Variants in ZNF385D observed in about 807,000 individuals in gnomAD.
ZNF385D encodes the protein zinc finger protein 659.
ZNF385D carries 15 observed loss-of-function variants against 35.8 expected under a neutral mutation model. The ratio of observed to expected loss-of-function variants is 0.42; its 90% CI spans 0.28 to 0.64. The LOEUF is 0.64. Ranked by LOEUF, ZNF385D falls within the 30% of genes least tolerant of loss-of-function variation. ZNF385D has a pLI of 0.23. For missense variants in ZNF385D, 474 were observed against 494.6 expected, an observed-to-expected ratio of 0.96 and a Z score of 0.39; for synonymous variants, 212 against 186.8, an observed-to-expected ratio of 1.13 and a Z score of -1.10.
chr3:22,118,595 CT>C (rs1025349863), intron 3 of ZNF385D, among the ~76,000 whole-genome samples: 3 of 151,902 alleles, frequency 2.0e-5, no homozygotes, highest in African/African-American at 4.8e-5. Context: ...AGCAATTCAA[CT>C]TTTTTTTCCC....
chr3:21,560,039 T>A (rs1198160653), intron 3 of ZNF385D, among the ~76,000 whole-genome samples: 1 of 152,200 alleles, frequency 6.6e-6, no homozygotes, highest in Non-Finnish European at 1.5e-5. Context: ...AAACTGGTTA[T>A]TCTAGTTAGC....
intron 1 of ZNF385D, among the ~76,000 whole-genome samples, chr3:21,679,738 A>G (rs892967067): frequency 2.0e-5 from 3 of 152,074 alleles, no homozygotes; most frequent in Non-Finnish European, 4.4e-5. Flanking sequence ...ACTAGCAGGG[A>G]GGGAAAATAG....
At chr3:22,089,108 T>C (rs1701190754) in intron 3 of ZNF385D, among the ~76,000 whole-genome samples, 1 of 152,108 alleles carries the variant, frequency 6.6e-6, no homozygotes, top group Admixed American at 6.5e-5. Context: ...CATCTAAGTG[T>C]GGCATGAGTA....
chr3:22,108,791 T>A (rs1399681344), intron 3 of ZNF385D, among the ~76,000 whole-genome samples: 1 of 152,104 alleles, frequency 6.6e-6, no homozygotes, highest in Non-Finnish European at 1.5e-5. Context: ...GATGGGTGGA[T>A]CACTTGAGGT....
chr3:22,230,894 T>G (rs1414773376), intron 2 of ZNF385D, among the ~76,000 whole-genome samples: 1 of 151,986 alleles, frequency 6.6e-6, no homozygotes, highest in Non-Finnish European at 1.5e-5. Context: ...GAGAAATAAC[T>G]CAGGAAAAAG....
At chr3:21,435,291 AC>A (rs1701493812) in intron 5 of ZNF385D, among the ~76,000 whole-genome samples, 1 of 126,688 alleles carries the variant, frequency 7.9e-6, no homozygotes, top group Admixed American at 1.0e-4. Flanking sequence ...ACAGGGTCTC[AC>A]TGTCAGCCAG....
At chr3:22,271,004 A>C (rs1701148864) in intron 2 of ZNF385D, among the ~76,000 whole-genome samples, 1 of 151,928 alleles carries the variant, frequency 6.6e-6, no homozygotes, top group Admixed American at 6.6e-5. Flanking sequence ...TTTTCTGAGC[A>C]ACATTTTTTT....
intron 3 of ZNF385D, among the ~76,000 whole-genome samples, chr3:21,803,287 A>T (rs1424842519): frequency 6.6e-6 from 1 of 152,166 alleles, no homozygotes; most frequent in African/African-American, 2.4e-5. Context: ...AAATGAGAAG[A>T]CAGCATTTGG....
Position 21,734,015 on chromosome 3 carries a change from G to A in ZNF385D, c.22+16880C>T, listed in dbSNP as rs146341070. Among the ~76,000 whole-genome samples, 173 of 151,948 alleles carry A rather than the reference G, an allele frequency of 1.1e-3. 3 individuals are homozygous for A. The highest frequency in any genetic ancestry group is 3.7e-3 in the African/African-American group (154 of 41,446). ...GGTATATTTTAGAATATGCTTCCCC[G>A]TCAGAACACTCTTTTTTCATAATTT... On this transcript the variant is annotated intron_variant, in intron 1 of 7. Transcript: ENST00000281523.
intron 3 of ZNF385D, among the ~76,000 whole-genome samples, chr3:21,996,507 A>C (rs2055268): frequency 0.65 from 99,498 of 151,910 alleles, 33,913 homozygotes; most frequent in African/African-American, 0.83. Flanking sequence ...GAAATAAATG[A>C]CGGGTGCCAT....
intron 1 of ZNF385D, among the ~76,000 whole-genome samples, chr3:21,706,634 T>C (rs893256174): frequency 6.6e-6 from 1 of 152,194 alleles, no homozygotes; most frequent in Admixed American, 6.5e-5. Flanking sequence ...GGATGGTTTA[T>C]TGCCATTATT....
At chr3:21,853,654 G>A (rs1015978953) in intron 3 of ZNF385D, among the ~76,000 whole-genome samples, 4 of 151,750 alleles carry the variant, frequency 2.6e-5, no homozygotes, top group African/African-American at 9.6e-5. Flanking sequence ...AGACTTGGAA[G>A]AATGAATTTT....
intron 3 of ZNF385D, among the ~76,000 whole-genome samples, chr3:21,974,997 G>T (rs1381702146): frequency 6.6e-6 from 1 of 152,124 alleles, no homozygotes; most frequent in Admixed American, 6.6e-5. Flanking sequence ...CCACTATAAA[G>T]AACAGTTTGG....
intron 3 of ZNF385D, among the ~76,000 whole-genome samples, chr3:22,050,565 T>C (rs978628618): frequency 2.0e-5 from 3 of 152,328 alleles, no homozygotes; most frequent in Non-Finnish European, 4.4e-5. Flanking sequence ...ATGATTCAAT[T>C]TTGGTAGATT....
At chr3:21,471,109 G>C (rs1192392180) in intron 4 of ZNF385D, among the ~76,000 whole-genome samples, 1 of 152,076 alleles carries the variant, frequency 6.6e-6, no homozygotes, top group East Asian at 1.9e-4. Flanking sequence ...AGCACAAATG[G>C]TTTGCCCAAG....
intron 4 of ZNF385D, among the ~76,000 whole-genome samples, chr3:21,460,511 C>A (rs1056350752): frequency 6.6e-6 from 1 of 151,866 alleles, no homozygotes. Flanking sequence ...ATAAATAAAG[C>A]AACCAATTTT....
intron 2 of ZNF385D, among the ~76,000 whole-genome samples, chr3:22,180,110 C>A (rs1347281996): frequency 6.6e-6 from 1 of 151,996 alleles, no homozygotes; most frequent in East Asian, 1.9e-4. Flanking sequence ...GGGATATAAC[C>A]ACCTATCCCA....
At chr3:21,517,515 G>A (rs73048376) in intron 3 of ZNF385D, among the ~76,000 whole-genome samples, 31,858 of 152,102 alleles carry the variant, frequency 0.21, 4,188 homozygotes, top group Non-Finnish European at 0.3. Context: ...CTGTCTGTGT[G>A]TGTTAAATAC....
At position 21,419,806 on chromosome 3, in the gene ZNF385D, A is replaced by C. The variant is rs574380990; in HGVS notation, c.*1408T>G. 2 of 151,970 alleles carry C rather than the reference A, an allele frequency of 1.3e-5. No individual in the cohort carries two copies. The highest frequency in any genetic ancestry group is 1.5e-5 in the Non-Finnish European group (1 of 67,958). 9.4% of individuals were successfully genotyped at this position (151,970 alleles called of 1,614,324 possible). A position where few individuals can be genotyped will look rare whatever the true frequency, so the allele number is the denominator to read the frequency against. Reference sequence around the variant, plus strand: ...GGATGGTTATATAATTATTTTATATAGATTTTTTCTTTTTATAACTTATTC... The same window carrying C: ...GGATGGTTATATAATTATTTTATATCGATTTTTTCTTTTTATAACTTATTC... On this transcript the variant is annotated 3_prime_UTR_variant, in exon 8 of 8. Coordinates refer to ENST00000281523, the MANE Select transcript of ZNF385D (RefSeq NM_024697.3).
Sources: allele counts gnomAD v4.1 joint callset (sites outside exome capture counted in the v4.1 genomes callset), GRCh38; gene constraint gnomAD v4.1.1; transcripts MANE v1.5; gene names NCBI Gene and HGNC (gene_info 2026-07-23, HGNC 2026-07-21).